GAGE1: variants seen among roughly 807,000 people sequenced by gnomAD.
GAGE1 encodes the protein G antigen 1.
In GAGE1, 5 loss-of-function variants were observed where a neutral mutation model predicts 5.0. That is an observed-to-expected ratio of 1.00 (90% CI 0.52 to 2.11). The LOEUF (loss-of-function observed/expected upper bound fraction) is 2.11. Ranked by LOEUF, GAGE1 falls within the 30% of genes most tolerant of loss-of-function variation. The pLI, the probability that GAGE1 is intolerant of heterozygous loss-of-function variation, is 0.01. For synonymous variants in GAGE1, 6 were observed against 14.8 expected (o/e 0.40, Z 1.37); for missense variants, 9 against 38.9 (o/e 0.23, Z 2.04).
intron 4 of GAGE1, chrX:49,605,035 C>T (rs781885176): frequency 3.9e-6 from 4 of 1,020,330 alleles, no homozygotes; most frequent in Non-Finnish European, 5.2e-6. Context: ...CTGGGATTCT[C>T]TGGCTTTTAA....
rs2066657872 is a variant in GAGE1 at position 49,606,068 on chromosome X, T to G, written c.*53T>G. ...TGCTCCTATGTTGGAAAATTCTTCA[T>G]TGAAGTTCTCCCAATAAAGCTTTAC... On this transcript the variant is annotated 3_prime_UTR_variant, in exon 5 of 5. Transcript: ENST00000381700. The G allele has an allele frequency of 1.1e-6, 1 of 884,931 alleles. No homozygotes were observed. The highest frequency in any genetic ancestry group is 1.5e-6 in the Non-Finnish European group (1 of 658,429). 72.9% of individuals were successfully genotyped at this position (884,931 alleles called of 1,213,427 possible).
Position 49,607,103 on chromosome X carries a change from C to T in GAGE1, c.*1088C>T, listed in dbSNP as rs2066663690. ...CCTCCCACCTCACCCTCCTCAGTAGCTAGGACTATAGGTACATGCCACCAT... is the reference window on the plus strand; with the variant it reads ...CCTCCCACCTCACCCTCCTCAGTAGTTAGGACTATAGGTACATGCCACCAT... On this transcript the variant is annotated 3_prime_UTR_variant, in exon 5 of 5. Coordinates refer to ENST00000381700, the MANE Select transcript of GAGE1 (RefSeq NM_001040663.4). The T allele has an allele frequency of 9.0e-6, 1 of 111,307 alleles. No individual in the cohort carries two copies. Among genetic ancestry groups the T allele is most frequent in the African/African-American group, 3.3e-5 (1 of 30,602 alleles). 9.2% of individuals were successfully genotyped at this position (111,307 alleles called of 1,213,427 possible).
At chrX:49,604,630 G>A (rs782395707) in intron 4 of GAGE1, among the ~76,000 whole-genome samples, 4 of 112,322 alleles carry the variant, frequency 3.6e-5, no homozygotes, top group African/African-American at 9.7e-5. Context: ...CATCTGCTTC[G>A]CATGGTTTGT....
At chrX:49,604,330 A>C (rs1411253443) in intron 4 of GAGE1, among the ~76,000 whole-genome samples, 2 of 112,565 alleles carry the variant, frequency 1.8e-5, no homozygotes, top group African/African-American at 3.2e-5. Context: ...ATAAATCCTC[A>C]AACCAGTAGC....
rs142123887 is a variant in GAGE1, at chrX:49,605,039, C to G, written c.332-954C>G. 4.3e-5 allele frequency: 44 copies of G among 1,020,563 alleles called. No individual in the cohort carries two copies. The African/African-American group carries it at 4.5e-4, about 10-fold the overall frequency. 84.1% of individuals were successfully genotyped at this position (1,020,563 alleles called of 1,213,427 possible). A position where few individuals can be genotyped will look rare whatever the true frequency, so the allele number is the denominator to read the frequency against. On this transcript the variant is annotated intron_variant, in intron 4 of 4. Transcript: ENST00000381700. Reference sequence around the variant, plus strand: ...TGTTGCCCAGACTGGGATTCTCTGGCTTTTAATGAACAATTGCTTCTTAAA... The same window carrying G: ...TGTTGCCCAGACTGGGATTCTCTGGGTTTTAATGAACAATTGCTTCTTAAA...
At chrX:49,605,056 C>T (rs782568928) in intron 4 of GAGE1, 3 of 1,022,334 alleles carry the variant, frequency 2.9e-6, no homozygotes, top group Non-Finnish European at 3.9e-6. Context: ...TGAACAATTG[C>T]TTCTTAAATC....
intron 4 of GAGE1, among the ~76,000 whole-genome samples, chrX:49,605,743 T>C (rs1274670446): frequency 3.6e-5 from 4 of 110,254 alleles, no homozygotes; most frequent in African/African-American, 1.3e-4. Context: ...ACCCCGTGTC[T>C]ACTAAACATA....
chrX:49,604,892 C>A (rs1161558666), intron 4 of GAGE1: 2 of 287,777 alleles, frequency 6.9e-6, no homozygotes, highest in African/African-American at 5.6e-5. Context: ...ACTGCAACCT[C>A]TGGCTCCCAG....
At chrX:49,605,266 A>G (rs1557131988) in intron 4 of GAGE1, 8 of 582,719 alleles carry the variant, frequency 1.4e-5, no homozygotes, top group Non-Finnish European at 1.8e-5. Flanking sequence ...TGATATAATC[A>G]TCTCTAATCA....
chrX:49,604,352 A>T (rs1229115282), intron 4 of GAGE1, among the ~76,000 whole-genome samples: 2 of 112,382 alleles, frequency 1.8e-5, no homozygotes, highest in Non-Finnish European at 3.8e-5. Flanking sequence ...CATAATTTTC[A>T]AATGCTTTTG....
chrX:49,605,010 A>T (rs782289852), intron 4 of GAGE1: 2 of 1,002,565 alleles, frequency 2.0e-6, no homozygotes, highest in South Asian at 1.8e-5. Flanking sequence ...ATGAGGTCTC[A>T]CTATGTTGCC....
At chrX:49,604,249 C>T (rs2066636231) in intron 4 of GAGE1, among the ~76,000 whole-genome samples, 1 of 112,591 alleles carries the variant, frequency 8.9e-6, no homozygotes, top group Admixed American at 9.4e-5. Context: ...CAGGCCCCAG[C>T]ACCCGAGTGA....
At position 49,607,385 on chromosome X, in the gene GAGE1, T is replaced by C. The variant is rs1243489738; in HGVS notation, c.*1370T>C. The C allele has an allele frequency of 8.9e-6, 1 of 112,045 alleles. No individual in the cohort carries two copies. Among genetic ancestry groups the C allele is most frequent in the African/African-American group, 3.2e-5 (1 of 30,846 alleles). 9.2% of individuals were successfully genotyped at this position (112,045 alleles called of 1,213,427 possible). A position where few individuals can be genotyped will look rare whatever the true frequency, so the allele number is the denominator to read the frequency against. ...TTACCTGTACTTTTATTTCATATGC[T>C]CATTTGTTGGACGTTGTTATCAAGG... On this transcript the variant is annotated 3_prime_UTR_variant, in exon 5 of 5. Coordinates refer to ENST00000381700, the MANE Select transcript of GAGE1 (RefSeq NM_001040663.4).
rs1332743050 is a variant in GAGE1, at chrX:49,607,144, C to T, written c.*1129C>T. 1 of 110,444 alleles carries T rather than the reference C, an allele frequency of 9.1e-6. No individual in the cohort carries two copies. The highest frequency in any genetic ancestry group is 3.3e-5 in the African/African-American group (1 of 30,347). The allele number at this position is 110,444 out of a possible 1,213,427, so 9.1% of individuals were successfully genotyped here. A position where few individuals can be genotyped will look rare whatever the true frequency, so the allele number is the denominator to read the frequency against. On this transcript the variant is annotated 3_prime_UTR_variant, in exon 5 of 5. Coordinates refer to ENST00000381700, the MANE Select transcript of GAGE1 (RefSeq NM_001040663.4). Reference sequence around the variant, plus strand: ...ATGCCACCATGCCAAGCTAATTTTTCTGTTTTAGAGATGGTATTTTTTCAT... The same window carrying T: ...ATGCCACCATGCCAAGCTAATTTTTTTGTTTTAGAGATGGTATTTTTTCAT...
intron 4 of GAGE1, chrX:49,604,985 T>G (rs2066644994): frequency 1.1e-6 from 1 of 941,477 alleles, no homozygotes; most frequent in South Asian, 1.9e-5. Context: ...AATTTTTTTT[T>G]TCATTTTTGT....
Position 49,607,141 on chromosome X carries a change from T to G in GAGE1, c.*1126T>G, listed in dbSNP as rs782337939. On this transcript the variant is annotated 3_prime_UTR_variant, in exon 5 of 5. Coordinates refer to ENST00000381700, the MANE Select transcript of GAGE1 (RefSeq NM_001040663.4). ...TACATGCCACCATGCCAAGCTAATT[T>G]TTCTGTTTTAGAGATGGTATTTTTT... is the stretch of plus-strand genomic sequence containing the variant. The G allele has an allele frequency of 9.9e-5, 11 of 110,729 alleles. No individual in the cohort carries two copies. The highest frequency in any genetic ancestry group is 3.3e-4 in the African/African-American group (10 of 30,430). 9.1% of individuals were successfully genotyped at this position (110,729 alleles called of 1,213,427 possible). A position where few individuals can be genotyped will look rare whatever the true frequency, so the allele number is the denominator to read the frequency against.
intron 3 of GAGE1, among the ~76,000 whole-genome samples, chrX:49,602,161 G>T (rs5906823): frequency 8.9e-6 from 1 of 112,688 alleles, no homozygotes; most frequent in East Asian, 2.8e-4. Flanking sequence ...ATAAATAAAT[G>T]GATAAATAAA....
At chrX:49,604,999 G>A (rs1211454908) in intron 4 of GAGE1, 3 of 969,044 alleles carry the variant, frequency 3.1e-6, no homozygotes, top group Non-Finnish European at 4.1e-6. Flanking sequence ...TTTTTGTAGA[G>A]ATGAGGTCTC....
chrX:49,604,123 G>T lies in GAGE1; in HGVS notation c.331+330G>T, dbSNP rs782432804. Among the ~76,000 whole-genome samples the T allele has an allele frequency of 8.0e-5, 9 of 112,773 alleles. No homozygotes were observed. In the East Asian group the frequency reaches 2.5e-3, roughly 31 times the overall value. The stretch of plus-strand genomic sequence containing the variant: ...CTGCCTCGACCATTGAAATTGCCGG[G>T]ATTACAGGCGAGAGCCACTGTGCCA... On this transcript the variant is annotated intron_variant, in intron 4 of 4. Coordinates refer to ENST00000381700, the MANE Select transcript of GAGE1 (RefSeq NM_001040663.4).
Sources: gnomAD v4.1 joint callset for allele counts (sites outside exome capture counted in the v4.1 genomes callset) on GRCh38, gnomAD v4.1.1 for gene constraint, MANE v1.5 for transcripts, NCBI Gene and HGNC (gene_info 2026-07-23, HGNC 2026-07-21) for gene names.